The following ATP1A4 variants were observed in gnomAD, a reference collection of about 807,000 sequenced individuals.
The protein encoded by ATP1A4 is ATPase Na+/K+ transporting subunit alpha 4.
In ATP1A4, 90 loss-of-function variants were observed where a neutral mutation model predicts 114.3. That is an observed-to-expected ratio of 0.79 (90% confidence interval 0.66 to 0.94). The LOEUF is 0.94. ATP1A4 is among the 40% of genes least tolerant of loss of function. The probability of loss-of-function intolerance (pLI) is 0.00; values close to 1 mark genes in which losing one functional copy is unlikely to be tolerated. For missense variants in ATP1A4, 1,222 were observed against 1,313.6 expected (o/e 0.93, Z 1.08); for synonymous variants, 511 against 494.1 (o/e 1.03, Z -0.45).
intron 1 of ATP1A4, among the ~76,000 whole-genome samples, chr1:160,152,474 G>A (rs1652492913): frequency 6.6e-6 from 1 of 152,154 alleles, no homozygotes; most frequent in Non-Finnish European, 1.5e-5. Context: ...AGGGATGGAT[G>A]GGAGGAGTCT....
At chr1:160,185,886 T>A (rs1052674198) in intron 20 of ATP1A4, among the ~76,000 whole-genome samples, 1 of 144,600 alleles carries the variant, frequency 6.9e-6, no homozygotes, top group Non-Finnish European at 1.5e-5. Flanking sequence ...GCCACTGCAC[T>A]CCAGCCTGGG....
At chr1:160,166,293 AT>A (rs1285278394) in intron 7 of ATP1A4, among the ~76,000 whole-genome samples, 1 of 152,000 alleles carries the variant, frequency 6.6e-6, no homozygotes, top group African/African-American at 2.4e-5. Context: ...AGAAAAAGAC[AT>A]TTTTTTTAAA....
At chr1:160,155,747 C>T (rs1025694955) in intron 3 of ATP1A4, among the ~76,000 whole-genome samples, 1 of 152,156 alleles carries the variant, frequency 6.6e-6, no homozygotes, top group Non-Finnish European at 1.5e-5. Context: ...CATCTCCTTC[C>T]TCCCAGCCTC....
chr1:160,185,590 G>A (rs963963063), intron 20 of ATP1A4, among the ~76,000 whole-genome samples: 3 of 151,872 alleles, frequency 2.0e-5, no homozygotes, highest in Non-Finnish European at 2.9e-5. Flanking sequence ...GTTCAAGACC[G>A]GTCTGGGCAA....
Position 160,174,193 on chromosome 1 carries a change from C to G in ATP1A4, c.2074C>G (p.Pro692Ala), listed in dbSNP as rs770983956. 13 of 1,613,988 alleles carry G rather than the reference C, an allele frequency of 8.1e-6. No homozygotes were observed. The African/African-American group carries it at 1.6e-4, about 20-fold the overall frequency. Reference protein sequence around the residue: ...KQLDQILQNHPEIVFARTSPQ... With the variant: ...KQLDQILQNHAEIVFARTSPQ... ...GCTTGATCAGATCCTCCAGAACCAC[C>G]CTGAGATCGTGTTTGCTCGGACCTC... The change falls in exon 14 of 22, where the codon CCT becomes GCT. Residue 692 changes from proline to alanine, a missense_variant. Pro to Ala is a conservative substitution (Grantham distance 27). Transcript: ENST00000368081.
chr1:160,173,060 T>C (rs1220233900), intron 12 of ATP1A4, among the ~76,000 whole-genome samples: 1 of 152,172 alleles, frequency 6.6e-6, no homozygotes, highest in Non-Finnish European at 1.5e-5. Context: ...GCACGTGGCC[T>C]GGGTATTCAT....
chr1:160,159,343 T>C (rs1652786582), intron 5 of ATP1A4, 66 bp from the exon 6 acceptor site: 1 of 1,446,470 alleles, frequency 6.9e-7, no homozygotes, highest in South Asian at 1.3e-5. Flanking sequence ...AGACATACTA[T>C]TTTTGTAAAT....
chr1:160,175,325 G>A (rs949464524), intron 15 of ATP1A4, among the ~76,000 whole-genome samples: 1 of 151,910 alleles, frequency 6.6e-6, no homozygotes, highest in Non-Finnish European at 1.5e-5. Context: ...AAAACATATG[G>A]CAATCCACAT....
In ATP1A4 at chr1:160,159,040, T is replaced by G; in HGVS notation, c.564T>G (p.Ile188Met). Residue 188 changes from isoleucine (I) to methionine (M), a missense_variant, in exon 5 of 22, where the codon ATT (isoleucine) becomes ATG (methionine). Physicochemically the swap from Ile to Met is conservative, Grantham distance 10. Transcript: ENST00000368081. ...LVIRGGEKMQINVQEVVLGDL... is the reference protein window; with the variant it reads ...LVIRGGEKMQMNVQEVVLGDL... ...TTCGAGGAGGAGAGAAGATGCAAATTAATGTACAAGAGGTGGTGTTGGGAG... is the reference window on the plus strand; with the variant it reads ...TTCGAGGAGGAGAGAAGATGCAAATGAATGTACAAGAGGTGGTGTTGGGAG... The G allele has an allele frequency of 6.2e-7, 1 of 1,613,926 alleles. No individual in the cohort carries two copies. Among genetic ancestry groups the G allele is most frequent in the Non-Finnish European group, 8.5e-7 (1 of 1,179,910 alleles).
At chr1:160,165,487 C>T (rs936997823) in intron 7 of ATP1A4, among the ~76,000 whole-genome samples, 18 of 152,224 alleles carry the variant, frequency 1.2e-4, no homozygotes, top group Admixed American at 3.9e-4. Flanking sequence ...CTGCCGGGCG[C>T]GGTGGCTCAC....
In ATP1A4 at chr1:160,176,180, C is replaced by A; in HGVS notation, c.2400C>A (p.Ile800=). The A allele has an allele frequency of 6.2e-7, 1 of 1,614,128 alleles. No individual in the cohort carries two copies. Among genetic ancestry groups the A allele is most frequent in the Non-Finnish European group, 8.5e-7 (1 of 1,180,014 alleles). ...AGATCACGCCCTTCCTGATGTTCATCATCCTCGGTATACCCCTGCCTCTGG... is the reference window on the plus strand; with the variant it reads ...AGATCACGCCCTTCCTGATGTTCATAATCCTCGGTATACCCCTGCCTCTGG... The part of the protein sequence containing the change: ...IPEITPFLMF[I]ILGIPLPLGT... Residue 800 remains isoleucine (I), a synonymous_variant, in exon 16 of 22, where the codon ATC becomes ATA. Transcript: ENST00000368081.
At chr1:160,185,070 C>G (rs1259101265) in intron 20 of ATP1A4, among the ~76,000 whole-genome samples, 1 of 151,470 alleles carries the variant, frequency 6.6e-6, no homozygotes, top group East Asian at 1.9e-4. Flanking sequence ...ATTGCATATA[C>G]TTCTAATATG....
At chr1:160,172,656 C>T (rs1653306424) in intron 12 of ATP1A4, among the ~76,000 whole-genome samples, 1 of 152,134 alleles carries the variant, frequency 6.6e-6, no homozygotes, top group African/African-American at 2.4e-5. Flanking sequence ...GTGCTCATAC[C>T]TTACATTCTG....
chr1:160,174,495 G>C, intron 14 of ATP1A4, 84 bp from the exon 15 acceptor site: 1 of 1,543,978 alleles, frequency 6.5e-7, no homozygotes, highest in Non-Finnish European at 8.8e-7. Flanking sequence ...GGAAACAAGG[G>C]ATGCAGAAAG....
In ATP1A4 at chr1:160,186,879, G is replaced by C; in HGVS notation, c.*180G>C. ...GGCAGAGGATGAGGTGGGCTGAAGGGAAGCCCAGCCTGCATCTAGCTGGAG... is the reference window on the plus strand; with the variant it reads ...GGCAGAGGATGAGGTGGGCTGAAGGCAAGCCCAGCCTGCATCTAGCTGGAG... On this transcript the variant is annotated 3_prime_UTR_variant, in exon 22 of 22. Coordinates refer to ENST00000368081, the MANE Select transcript of ATP1A4 (RefSeq NM_144699.4). 1.4e-6 allele frequency: 1 copy of C among 723,110 alleles called. No homozygotes were observed. The highest frequency in any genetic ancestry group is 2.4e-6 in the Non-Finnish European group (1 of 423,970). The allele number at this position is 723,110 out of a possible 1,614,324, so 44.8% of individuals were successfully genotyped here.
chr1:160,179,542 T>C (rs1001685148), intron 18 of ATP1A4, among the ~76,000 whole-genome samples: 4 of 152,240 alleles, frequency 2.6e-5, no homozygotes, highest in Non-Finnish European at 4.4e-5. Flanking sequence ...TCTATGACTG[T>C]AATTTTCAGA....
intron 18 of ATP1A4, 56 bp from the exon 19 acceptor site, chr1:160,181,628 T>C: frequency 6.2e-7 from 1 of 1,601,914 alleles, no homozygotes; most frequent in Admixed American, 1.7e-5. Context: ...GAAAGAAGCC[T>C]TAGGGTGTAC....
chr1:160,161,959 A>G (rs942654555), intron 6 of ATP1A4, among the ~76,000 whole-genome samples: 1 of 152,190 alleles, frequency 6.6e-6, no homozygotes, highest in African/African-American at 2.4e-5. Context: ...CCTACTGGAA[A>G]CCCTAAGTTC....
rs1038362792 is a variant in ATP1A4, at chr1:160,154,987, G to C, written c.208-58G>C. The C allele has an allele frequency of 5.9e-6, 9 of 1,538,252 alleles. No homozygotes were observed. The African/African-American group carries it at 1.2e-4, about 21-fold the overall frequency. On this transcript the variant is annotated intron_variant, in intron 2 of 21. Coordinates refer to ENST00000368081, the MANE Select transcript of ATP1A4 (RefSeq NM_144699.4). ...GGCTCCAAATGTCAGGTTCCCTTTTGCTATGGCTGTTCCTCTTTTCACAGC... is the reference window on the plus strand; with the variant it reads ...GGCTCCAAATGTCAGGTTCCCTTTTCCTATGGCTGTTCCTCTTTTCACAGC...
Sources: allele counts gnomAD v4.1 joint callset (sites outside exome capture counted in the v4.1 genomes callset), GRCh38; gene constraint gnomAD v4.1.1; transcripts MANE v1.5; gene names NCBI Gene and HGNC (gene_info 2026-07-23, HGNC 2026-07-21).